Variants in SLC14A1 observed in about 807,000 individuals in gnomAD.
SLC14A1 encodes solute carrier family 14 member 1 (Kidd blood group).
A neutral mutation model predicts 39.6 loss-of-function variants in SLC14A1; 36 were observed. The ratio of observed to expected loss-of-function variants is 0.91; its 90% CI spans 0.70 to 1.20. The LOEUF (loss-of-function observed/expected upper bound fraction) is 1.20. Ranked by LOEUF, SLC14A1 falls within the 50% of genes most tolerant of loss-of-function variation. The pLI is 0.00. For missense variants in SLC14A1, 469 were observed against 478.7 expected (o/e 0.98, Z 0.19); for synonymous variants, 164 against 173.6 (o/e 0.94, Z 0.43).
chr18:45,730,092 T>C (rs578233352), intron 2 of SLC14A1: 51 of 490,106 alleles, frequency 1.0e-4, no homozygotes, highest in Middle Eastern at 5.3e-4. Flanking sequence ...AACATTCTCA[T>C]GGTAGCATTA....
intron 3 of SLC14A1, among the ~76,000 whole-genome samples, chr18:45,730,778 G>C (rs2047006030): frequency 1.3e-5 from 2 of 152,168 alleles, no homozygotes; most frequent in African/African-American, 4.8e-5. Context: ...AAGTGCATTA[G>C]ATGCTTTCAG....
chr18:45,742,759 C>T (rs187183849), intron 8 of SLC14A1, among the ~76,000 whole-genome samples: 1 of 151,714 alleles, frequency 6.6e-6, no homozygotes, highest in African/African-American at 2.4e-5. Context: ...CTCACTGCAA[C>T]CTCTGCCTCC....
chr18:45,743,682 T>G (rs1348191840), intron 8 of SLC14A1, among the ~76,000 whole-genome samples: 1 of 152,232 alleles, frequency 6.6e-6, no homozygotes, highest in Non-Finnish European at 1.5e-5. Flanking sequence ...TGTCTAGCAC[T>G]CGCTCAGCAC....
chr18:45,731,396 A>C, intron 4 of SLC14A1, 192 bp downstream of exon 4: 1 of 655,078 alleles, frequency 1.5e-6, no homozygotes. Context: ...ATCTGAATAA[A>C]TGGCTGGTCT....
At chr18:45,730,663 G>T (rs1291939973) in intron 3 of SLC14A1, among the ~76,000 whole-genome samples, 192 bp downstream of exon 3, 1 of 152,116 alleles carries the variant, frequency 6.6e-6, no homozygotes, top group South Asian at 2.1e-4. Context: ...AGTAGCCAGG[G>T]CCCAGCTCAT....
intron 4 of SLC14A1, among the ~76,000 whole-genome samples, chr18:45,733,822 T>C (rs1294964811): frequency 6.6e-6 from 1 of 152,198 alleles, no homozygotes; most frequent in Non-Finnish European, 1.5e-5. Flanking sequence ...CGAGTGAGCA[T>C]TTCCACCTGA....
chr18:45,729,516 C>T (rs1039475419), intron 2 of SLC14A1: 1 of 152,194 alleles, frequency 6.6e-6, no homozygotes, highest in African/African-American at 2.4e-5. Flanking sequence ...TAATTATGCC[C>T]TGCACATTTT....
intron 6 of SLC14A1, among the ~76,000 whole-genome samples, chr18:45,738,279 G>A (rs1184668796): frequency 6.6e-6 from 1 of 152,214 alleles, no homozygotes; most frequent in Non-Finnish European, 1.5e-5. Flanking sequence ...GGTGGAGAGG[G>A]CAAGATGGGA....
rs751044851 is a variant in SLC14A1, at chr18:45,731,063, C to T, written c.200C>T (p.Ser67Phe). The change falls in exon 4 of 10, where the codon TCC (serine) becomes TTC (phenylalanine). Residue 67 changes from serine (S) to phenylalanine (F), a missense_variant. By Grantham distance (155) the Ser-to-Phe change is radical. Transcript: ENST00000321925. ...QFIDWILRGI[S>F]QVVFVNNPVS... The stretch of plus-strand genomic sequence containing the variant: ...ATTGACTGGATTCTCCGGGGCATAT[C>T]CCAAGTGGTGTTCGTCAACAACCCC... 6.2e-7 allele frequency: 1 copy of T among 1,614,154 alleles called. No individual in the cohort carries two copies. The highest frequency in any genetic ancestry group is 8.5e-7 in the Non-Finnish European group (1 of 1,180,014).
At chr18:45,745,683 G>A (rs1485233889) in intron 8 of SLC14A1, among the ~76,000 whole-genome samples, 1 of 152,142 alleles carries the variant, frequency 6.6e-6, no homozygotes, top group Non-Finnish European at 1.5e-5. Context: ...TGGGTTAAAG[G>A]GAATGCCAAT....
chr18:45,749,411 G>A (rs763902774), intron 9 of SLC14A1, among the ~76,000 whole-genome samples: 24 of 152,106 alleles, frequency 1.6e-4, no homozygotes, highest in Admixed American at 1.3e-3. Flanking sequence ...GTCACTGTGG[G>A]CTGGACTAAT....
rs2047118034 is a variant in SLC14A1 at position 45,734,274 on chromosome 18, GTCATTAATAGCA to G, written c.345_356del (p.Leu116_Ser119del). On this transcript the variant is annotated inframe_deletion and splice_region_variant, in exon 5 of 10. Transcript: ENST00000321925. ...CCGTGCTGTGTCTCTTGCCCCACAG[GTCATTAATAGCA>G]TCTGGGCTCTATGGCTACAATGCCA... 6.2e-7 allele frequency: 1 copy of G among 1,614,002 alleles called. No individual in the cohort carries two copies. Among genetic ancestry groups the G allele is most frequent in the Non-Finnish European group, 8.5e-7 (1 of 1,179,956 alleles).
At position 45,750,149 on chromosome 18, in the gene SLC14A1, G is replaced by A. The variant is rs372191925; in HGVS notation, c.*198G>A. On this transcript the variant is annotated 3_prime_UTR_variant, in exon 10 of 10. Coordinates refer to ENST00000321925, the MANE Select transcript of SLC14A1 (RefSeq NM_015865.7). The stretch of plus-strand genomic sequence containing the variant: ...CTTGAGCATATGAGAGTCACATCCA[G>A]GTGATGTGCTCTGGTATGGAATTTG... 6.2e-6 allele frequency: 9 copies of A among 1,457,806 alleles called. No homozygotes were observed. In the African/African-American group the frequency reaches 8.5e-5, roughly 14 times the overall value. 90.3% of individuals were successfully genotyped at this position (1,457,806 alleles called of 1,614,324 possible).
In SLC14A1 at chr18:45,751,185, C is replaced by T. The variant is rs2047692466; in HGVS notation, c.*1234C>T. ...TGAAACCCTGTATCTACAAAAAATA[C>T]AAAAATTAGCCAGGCATGGTGGTGG... On this transcript the variant is annotated 3_prime_UTR_variant, in exon 10 of 10. Coordinates refer to ENST00000321925, the MANE Select transcript of SLC14A1 (RefSeq NM_015865.7). 6 of 424,290 alleles carry T rather than the reference C, an allele frequency of 1.4e-5. No individual in the cohort carries two copies. In the Admixed American group the frequency reaches 3.9e-4, roughly 27 times the overall value. The allele number at this position is 424,290 out of a possible 1,614,324, so 26.3% of individuals were successfully genotyped here.
chr18:45,744,916 AT>A lies in SLC14A1; in HGVS notation c.947-3458del, dbSNP rs559851962. ...TGGCTCTGTCCATTGCACCGATCAC[AT>A]TATCTGTTGAGTTCTCCATTTCTGG... On this transcript the variant is annotated intron_variant, in intron 8 of 9. Transcript: ENST00000321925. Among the ~76,000 whole-genome samples the A allele has an allele frequency of 3.5e-4, 54 of 152,196 alleles. No homozygotes were observed. In the South Asian group the frequency reaches 5.0e-3, roughly 14 times the overall value.
intron 8 of SLC14A1, among the ~76,000 whole-genome samples, chr18:45,741,416 CA>C (rs2047374781): frequency 6.6e-6 from 1 of 152,152 alleles, no homozygotes; most frequent in African/African-American, 2.4e-5. Flanking sequence ...ATCAGTTTAT[CA>C]CCAGATTAAT....
At position 45,734,360 on chromosome 18, in the gene SLC14A1, T is replaced by G. The variant is rs1415543271; in HGVS notation, c.428T>G (p.Phe143Cys). The change falls in exon 5 of 10, where the codon TTC becomes TGC. Residue 143 changes from phenylalanine (F) to cysteine (C), a missense_variant. Transcript: ENST00000321925. ...MAVFSDKGDY[F>C]WWLLLPVCAM... ...GTCTTTTCGGACAAGGGAGACTATT[T>G]CTGGTGGCTGTTACTCCCTGTATGT... 4 of 1,613,952 alleles carry G rather than the reference T, an allele frequency of 2.5e-6. No individual in the cohort carries two copies. In the South Asian group the frequency reaches 4.4e-5, roughly 18 times the overall value.
intron 8 of SLC14A1, among the ~76,000 whole-genome samples, chr18:45,743,506 G>A (rs1235341191): frequency 6.6e-6 from 1 of 152,084 alleles, no homozygotes; most frequent in Non-Finnish European, 1.5e-5. Context: ...ATTCCAGCAG[G>A]TCTGCTACTT....
intron 5 of SLC14A1, among the ~76,000 whole-genome samples, chr18:45,735,088 G>T (rs895090161): frequency 2.6e-5 from 4 of 152,122 alleles, no homozygotes; most frequent in Non-Finnish European, 5.9e-5. Context: ...ACTGATGCAC[G>T]TGGCCCCCAC....
Sources: gnomAD v4.1 joint callset for allele counts (sites outside exome capture counted in the v4.1 genomes callset) on GRCh38, gnomAD v4.1.1 for gene constraint, MANE v1.5 for transcripts, NCBI Gene and HGNC (gene_info 2026-07-23, HGNC 2026-07-21) for gene names.